The following PKD1 variants were observed in gnomAD, a reference collection of about 807,000 sequenced individuals.
PKD1 encodes polycystin 1, transient receptor potential channel interacting, also known as polycystin-1.
A neutral mutation model predicts 361.7 loss-of-function variants in PKD1; 81 were observed. The observed-to-expected ratio is 0.22, with a 90% confidence interval of 0.19 to 0.27. The LOEUF (loss-of-function observed/expected upper bound fraction) is 0.27, where lower values mean the gene tolerates loss of function less well. PKD1 is among the 10% of genes least tolerant of loss of function. The probability of loss-of-function intolerance (pLI) is 1.00; values close to 1 mark genes in which losing one functional copy is unlikely to be tolerated. For synonymous variants in PKD1, 3,615 were observed against 2,818.3 expected, an observed-to-expected ratio of 1.28 and a Z score of -8.95; for missense variants, 6,399 against 6,118.3, an observed-to-expected ratio of 1.05 and a Z score of -1.53.
chr16:2,091,610 T>A lies in PKD1; in HGVS notation c.11538-13A>T, dbSNP rs2091582606. The A allele has an allele frequency of 6.4e-7, 1 of 1,560,378 alleles. No individual in the cohort carries two copies. Among genetic ancestry groups the A allele is most frequent in the African/African-American group, 1.4e-5 (1 of 73,878 alleles). On this transcript the variant is annotated splice_polypyrimidine_tract_variant and intron_variant, in intron 41 of 45. Coordinates refer to ENST00000262304, the MANE Select transcript of PKD1 (RefSeq NM_001009944.3). ...CACAGCGCGGCTCCTGCGCAGAGGGTGCGGGTCAGTAGGAGCGGGTGGCAG... is the reference window on the plus strand; with the variant it reads ...CACAGCGCGGCTCCTGCGCAGAGGGAGCGGGTCAGTAGGAGCGGGTGGCAG...
In PKD1 at chr16:2,111,188, C is replaced by T. The variant is rs2092493310; in HGVS notation, c.3979G>A (p.Asp1327Asn). 3 of 1,611,424 alleles carry T rather than the reference C, an allele frequency of 1.9e-6. No individual in the cohort carries two copies. The highest frequency in any genetic ancestry group is 1.3e-5 in the African/African-American group (1 of 75,006). Residue 1327 changes from aspartate (D) to asparagine (N), a missense_variant, in exon 15 of 46, where the codon GAC becomes AAC. Asp to Asn is a conservative substitution (Grantham distance 23). Coordinates refer to ENST00000262304, the MANE Select transcript of PKD1 (RefSeq NM_001009944.3). ...GAGGAGCCATCCCCGAAGGTCCAGT[C>T]GAAGAGGTAGTGGGCCGGGTTCCCG... ...VTGNPAHYLF[D>N]WTFGDGSSNT...
Position 2,112,287 on chromosome 16 carries a change from C to A in PKD1, c.3295+53G>T, listed in dbSNP as rs535268113. On this transcript the variant is annotated intron_variant, in intron 14 of 45. Coordinates refer to ENST00000262304, the MANE Select transcript of PKD1 (RefSeq NM_001009944.3). Reference sequence around the variant, plus strand: ...CAGCTTGACTGGGGAGCTGGGGGGACCCCGTGCTCAGAGCCTGAAAGGCAG... The same window carrying A: ...CAGCTTGACTGGGGAGCTGGGGGGAACCCGTGCTCAGAGCCTGAAAGGCAG... 10,156 of 1,510,916 alleles carry A rather than the reference C, an allele frequency of 6.7e-3. 97 individuals carry two copies. Among genetic ancestry groups the A allele is most frequent in the South Asian group, 0.024 (2,112 of 86,676 alleles). The allele number at this position is 1,510,916 out of a possible 1,614,324, so 93.6% of individuals were successfully genotyped here. A position where few individuals can be genotyped will look rare whatever the true frequency, so the allele number is the denominator to read the frequency against.
At chr16:2,101,514 G>C (rs2092095717) in intron 26 of PKD1, among the ~76,000 whole-genome samples, 1 of 152,150 alleles carries the variant, frequency 6.6e-6, no homozygotes, top group Non-Finnish European at 1.5e-5. Flanking sequence ...CTACTCAGGA[G>C]AATCGCTTAA....
Position 2,110,750 on chromosome 16 carries a change from C to G in PKD1, c.4417G>C (p.Val1473Leu). ...QEPVLVTSIK[V>L]NGSLGLELQQ... ...AGCTCCAGCCCAAGGGAGCCATTGACCTTGATGCTGGTGACCAGCACGGGC... is the reference window on the plus strand; with the variant it reads ...AGCTCCAGCCCAAGGGAGCCATTGAGCTTGATGCTGGTGACCAGCACGGGC... Residue 1473 changes from valine (V) to leucine (L), a missense_variant, in exon 15 of 46, where the codon GTC becomes CTC. Transcript: ENST00000262304. 1 of 1,610,696 alleles carries G rather than the reference C, an allele frequency of 6.2e-7. No individual in the cohort carries two copies. Among genetic ancestry groups the G allele is most frequent in the Non-Finnish European group, 8.5e-7 (1 of 1,179,774 alleles).
chr16:2,107,609 G>T (rs1172774359), intron 16 of PKD1: 39 of 544,550 alleles, frequency 7.2e-5, no homozygotes, highest in Non-Finnish European at 1.3e-4. Context: ...GCTACCTCTG[G>T]GGTGGGAAGG....
intron 8 of PKD1, 81 bp from the exon 9 acceptor site, chr16:2,116,199 GA>G: frequency 7.0e-7 from 1 of 1,436,878 alleles, no homozygotes; most frequent in South Asian, 1.2e-5. Context: ...AACTTCCCAG[GA>G]AGAGGGGAGG....
Position 2,091,600 on chromosome 16 carries a change from G to T in PKD1, c.11538-3C>A. 6.4e-7 allele frequency: 1 copy of T among 1,559,806 alleles called. No homozygotes were observed. Among genetic ancestry groups the T allele is most frequent in the Non-Finnish European group, 8.6e-7 (1 of 1,161,268 alleles). On this transcript the variant is annotated splice_polypyrimidine_tract_variant and splice_region_variant and intron_variant, in intron 41 of 45. Transcript: ENST00000262304. ...GCTCCAGGAACACAGCGCGGCTCCT[G>T]CGCAGAGGGTGCGGGTCAGTAGGAG...
chr16:2,123,595 G>A (rs1009590031), intron 1 of PKD1: 15 of 438,740 alleles, frequency 3.4e-5, no homozygotes, highest in East Asian at 7.6e-5. Flanking sequence ...CTCTGCACCC[G>A]CCAGGTGACA....
chr16:2,113,446 C>G (rs1596571585), intron 11 of PKD1, 154 bp from the exon 12 acceptor site: 3 of 867,138 alleles, frequency 3.5e-6, no homozygotes, highest in Non-Finnish European at 5.6e-6. Context: ...GAGCCAAGCC[C>G]GGGCTGGGAC....
chr16:2,114,699 G>A lies in PKD1; in HGVS notation c.2324C>T (p.Thr775Met), dbSNP rs1245740229. Residue 775 changes from threonine to methionine, a missense_variant, in exon 11 of 46, where the codon ACG becomes ATG. Physicochemically the swap from Thr to Met is moderately conservative, Grantham distance 81 (BLOSUM62 -1). Coordinates refer to ENST00000262304, the MANE Select transcript of PKD1 (RefSeq NM_001009944.3). ...PACALRLLAA[T>M]EQLTVLLGLR... Reference sequence around the variant, plus strand: ...GCCCAGCAGCACGGTGAGCTGTTCCGTGGCTGCAAGCAGCCGCAGGGCACA... The same window carrying A: ...GCCCAGCAGCACGGTGAGCTGTTCCATGGCTGCAAGCAGCCGCAGGGCACA... 20 of 1,535,628 alleles carry A rather than the reference G, an allele frequency of 1.3e-5. No homozygotes were observed. The highest frequency in any genetic ancestry group is 6.8e-5 in the African/African-American group (5 of 73,052).
chr16:2,099,007 T>C (rs2091973310), intron 30 of PKD1: 3 of 166,598 alleles, frequency 1.8e-5, no homozygotes, highest in Admixed American at 1.1e-4. Context: ...AGTTTTTGTA[T>C]TTGTAGTAGA....
chr16:2,112,204 G>T, intron 14 of PKD1, 136 bp downstream of exon 14: 1 of 811,834 alleles, frequency 1.2e-6, no homozygotes, highest in South Asian at 1.5e-5. Flanking sequence ...CCCCAGTAGG[G>T]GCCTAAGCCA....
At position 2,109,231 on chromosome 16, in the gene PKD1, C is replaced by T. The variant is rs1347670611; in HGVS notation, c.5936G>A (p.Cys1979Tyr). Residue 1979 changes from cysteine (C) to tyrosine (Y), a missense_variant, in exon 15 of 46, where the codon TGC (cysteine) becomes TAC (tyrosine). Coordinates refer to ENST00000262304, the MANE Select transcript of PKD1 (RefSeq NM_001009944.3). ...GCCCGTGGCGATGCCAGGCTCGCAG[C>T]AGTTGGGCACCTGCAGCCCACTCAC... ...EAVSGLQVPN[C>Y]CEPGIATGTE... 1.1e-5 allele frequency: 17 copies of T among 1,590,042 alleles called. No individual in the cohort carries two copies. Among genetic ancestry groups the T allele is most frequent in the Non-Finnish European group, 1.4e-5 (16 of 1,167,540 alleles).
intron 1 of PKD1, among the ~76,000 whole-genome samples, chr16:2,125,998 GGAT>G (rs1360906637): frequency 4.1e-5 from 6 of 146,294 alleles, no homozygotes; most frequent in African/African-American, 1.7e-4. Flanking sequence ...GGTAGGAAGA[GGAT>G]GGTGGGGGGG....
chr16:2,107,724 A>C (rs1344775466), intron 16 of PKD1, 159 bp downstream of exon 16: 7 of 718,024 alleles, frequency 9.7e-6, no homozygotes, highest in South Asian at 8.3e-5. Context: ...TTTGGAAGGA[A>C]GCAAAGCTGA....
Position 2,100,884 on chromosome 16 carries a change from C to A in PKD1, c.9398-318G>T. The A allele has an allele frequency of 4.4e-6, 2 of 459,036 alleles. No individual in the cohort carries two copies. The highest frequency in any genetic ancestry group is 8.1e-6 in the Non-Finnish European group (2 of 247,284). 28.4% of individuals were successfully genotyped at this position (459,036 alleles called of 1,614,324 possible). A position where few individuals can be genotyped will look rare whatever the true frequency, so the allele number is the denominator to read the frequency against. ...TGTCCACGCCTCAGTCATGCCACAA[C>A]CGGTGACCCGCACCACACACCCGTC... is the stretch of plus-strand genomic sequence containing the variant. On this transcript the variant is annotated intron_variant, in intron 26 of 45. Transcript: ENST00000262304. This position sits in a 1 kb window ranked among gnomAD's most constrained non-coding sequence, Gnocchi z 4.4.
intron 20 of PKD1, 50 bp from the exon 21 acceptor site, chr16:2,105,524 CAGG>C (rs1227673748): frequency 6.3e-7 from 1 of 1,595,124 alleles, no homozygotes; most frequent in Non-Finnish European, 8.5e-7. Context: ...AGGAGGCCGG[CAGG>C]AGGCCAGCAG....
intron 37 of PKD1, 173 bp from the exon 38 acceptor site, chr16:2,093,266 GA>G (rs1165622563): frequency 2.6e-6 from 2 of 783,546 alleles, no homozygotes; most frequent in Non-Finnish European, 4.2e-6. Context: ...ACCCTGCCCG[GA>G]ACCCCACCTG....
In PKD1 at chr16:2,118,163, G is replaced by C; in HGVS notation, c.829C>G (p.Leu277Val). ...GCCAGAGGTCCGTGGGGCCCCACCA[G>C]GGTGGCCCCTGGGGAGGCAGGGAAG... ...HVFPASPGATLVGPHGPLASG... is the reference protein window; with the variant it reads ...HVFPASPGATVVGPHGPLASG... Residue 277 changes from leucine to valine, a missense_variant, in exon 5 of 46, where the codon CTG (leucine) becomes GTG (valine). Transcript: ENST00000262304. The surrounding 1 kb of genome is among the most constrained non-coding windows in gnomAD (Gnocchi z 6.0). The C allele has an allele frequency of 6.3e-7, 1 of 1,575,048 alleles. No homozygotes were observed. Among genetic ancestry groups the C allele is most frequent in the Non-Finnish European group, 8.6e-7 (1 of 1,163,132 alleles).
Sources: gnomAD v4.1 joint callset for allele counts (sites outside exome capture counted in the v4.1 genomes callset) on GRCh38, gnomAD v4.1.1 for gene constraint, Gnocchi (gnomAD v3.1) non-coding constraint, MANE v1.5 for transcripts, NCBI Gene and HGNC (gene_info 2026-07-23, HGNC 2026-07-21) for gene names.